HNMT: variants seen among roughly 807,000 people sequenced by gnomAD.
The protein encoded by HNMT is histamine N-methyltransferase.
In HNMT, 30 loss-of-function variants were observed where a neutral mutation model predicts 32.1. The ratio of observed to expected loss-of-function variants is 0.93; its 90% CI spans 0.70 to 1.27. HNMT has a LOEUF of 1.27. HNMT is among the 50% of genes most tolerant of loss of function. The pLI is 0.00. For synonymous variants in HNMT, 125 were observed against 119.0 expected, an observed-to-expected ratio of 1.05 and a Z score of -0.33; for missense variants, 327 against 346.0, an observed-to-expected ratio of 0.95 and a Z score of 0.43.
rs971121911 is a variant in HNMT, at chr2:138,002,716, G to A, written c.429+522G>A. The A allele has an allele frequency of 1.3e-5, 10 of 741,760 alleles. No homozygotes were observed. The African/African-American group carries it at 1.7e-4, about 13-fold the overall frequency. The allele number at this position is 741,760 out of a possible 1,614,324, so 45.9% of individuals were successfully genotyped here. The stretch of plus-strand genomic sequence containing the variant: ...CCCTCTTCAACCTCCAAAAGTGTTG[G>A]AATTACAGGTGTGAGCCACTGCACC... On this transcript the variant is annotated intron_variant, in intron 4 of 5. Transcript: ENST00000280097.
At chr2:137,993,448 A>G (rs3100722) in intron 2 of HNMT, among the ~76,000 whole-genome samples, 64,090 of 151,784 alleles carry the variant, frequency 0.42, 13,804 homozygotes, top group South Asian at 0.47. Context: ...TGGAAGAAAG[A>G]ATATCAGAGT....
intron 5 of HNMT, 77 bp downstream of exon 5, chr2:138,005,302 GC>G: frequency 2.5e-6 from 2 of 809,466 alleles, no homozygotes; most frequent in Non-Finnish European, 4.1e-6. Context: ...TTTGAAAGAA[GC>G]TTATATATTT....
intron 4 of HNMT, among the ~76,000 whole-genome samples, chr2:138,004,264 G>A (rs980154813): frequency 6.6e-6 from 1 of 152,132 alleles, no homozygotes. Flanking sequence ...TGGCCCCTAA[G>A]GCACCATGAG....
At chr2:137,967,098 T>C (rs1232583880) in intron 1 of HNMT, 1 of 780,626 alleles carries the variant, frequency 1.3e-6, no homozygotes, top group African/African-American at 1.7e-5. Flanking sequence ...GTCTTTTAGA[T>C]ACCAGAATTG....
At chr2:137,969,273 A>G (rs547482072) in intron 1 of HNMT, among the ~76,000 whole-genome samples, 1 of 152,256 alleles carries the variant, frequency 6.6e-6, no homozygotes, top group South Asian at 2.1e-4. Context: ...CTACTACTAT[A>G]ACTCTGCAAT....
chr2:138,004,841 T>A (rs1432702253), intron 4 of HNMT, among the ~76,000 whole-genome samples: 1 of 152,080 alleles, frequency 6.6e-6, no homozygotes, highest in Non-Finnish European at 1.5e-5. Flanking sequence ...TGTGGAATGG[T>A]GACTAAGTGT....
At chr2:137,966,173 T>C (rs1679951800) in intron 1 of HNMT, among the ~76,000 whole-genome samples, 1 of 152,220 alleles carries the variant, frequency 6.6e-6, no homozygotes, top group African/African-American at 2.4e-5. Context: ...GTTGAGTTTG[T>C]GGCTCACTGT....
In HNMT at chr2:138,001,013, G is replaced by A. The variant is rs1173001049; in HGVS notation, c.286G>A (p.Ala96Thr). ...TGTTGAGCCAAGTGCTGAACAAATT[G>A]CCAAATACAAAGGTACCTGTAACTC... ...EVVEPSAEQI[A>T]KYKELVAKTS... Residue 96 changes from alanine to threonine, a missense_variant, in exon 3 of 6, where the codon GCC becomes ACC. Transcript: ENST00000280097. 2 of 1,598,056 alleles carry A rather than the reference G, an allele frequency of 1.3e-6. No individual in the cohort carries two copies. Among genetic ancestry groups the A allele is most frequent in the Admixed American group, 1.7e-5 (1 of 58,864 alleles).
chr2:138,001,435 T>G (rs1681169334), intron 3 of HNMT, among the ~76,000 whole-genome samples: 1 of 152,176 alleles, frequency 6.6e-6, no homozygotes, highest in African/African-American at 2.4e-5. Flanking sequence ...CTGCCATAAC[T>G]AATCAACCTG....
chr2:137,984,364 T>C (rs146010271), intron 2 of HNMT, among the ~76,000 whole-genome samples: 1 of 152,366 alleles, frequency 6.6e-6, no homozygotes, highest in East Asian at 1.9e-4. Flanking sequence ...TGAATATCCC[T>C]GACATCACTT....
At position 137,964,770 on chromosome 2, in the gene HNMT, C is replaced by T. The variant is rs373476858; in HGVS notation, c.137+142C>T. On this transcript the variant is annotated intron_variant, in intron 1 of 5. Transcript: ENST00000280097. ...TAGCAGCTCCCCGTCGTCCCCTCCT[C>T]GCTGCCCTGCCCTGCCTTTCTCCTG... 5.5e-4 allele frequency: 422 copies of T among 763,798 alleles called. 1 individual carries two copies. In the African/African-American group the frequency reaches 6.9e-3, roughly 12 times the overall value. 47.3% of individuals were successfully genotyped at this position (763,798 alleles called of 1,614,324 possible).
At chr2:137,981,087 T>A (rs767411699) in intron 2 of HNMT, 99 of 1,132,306 alleles carry the variant, frequency 8.7e-5, no homozygotes, top group Non-Finnish European at 1.1e-4. Context: ...TAATGCAACA[T>A]GTAATAGAAT....
At chr2:138,011,645 A>C (rs925746566) in intron 5 of HNMT, among the ~76,000 whole-genome samples, 1 of 152,098 alleles carries the variant, frequency 6.6e-6, no homozygotes, top group East Asian at 1.9e-4. Context: ...ATTTTTCTGG[A>C]GAGTCAGTTA....
At chr2:137,984,405 G>C (rs901147135) in intron 2 of HNMT, among the ~76,000 whole-genome samples, 5 of 152,078 alleles carry the variant, frequency 3.3e-5, no homozygotes, top group African/African-American at 1.2e-4. Flanking sequence ...TGTTTTGCAA[G>C]TCCAACAAGC....
chr2:137,964,670 CTG>C (rs1679899219), intron 1 of HNMT, 42 bp downstream of exon 1: 8 of 1,607,048 alleles, frequency 5.0e-6, no homozygotes, highest in Non-Finnish European at 6.0e-6. Context: ...AAGCCTCAGA[CTG>C]GCTGTGCGTC....
chr2:137,983,378 T>C (rs148825929), intron 2 of HNMT, among the ~76,000 whole-genome samples: 16 of 152,324 alleles, frequency 1.1e-4, no homozygotes, highest in East Asian at 9.6e-4. Flanking sequence ...GTGTTTTATG[T>C]TTCCGATTAC....
chr2:137,973,797 T>C (rs1680204886), intron 2 of HNMT, among the ~76,000 whole-genome samples: 1 of 152,092 alleles, frequency 6.6e-6, no homozygotes, highest in African/African-American at 2.4e-5. Flanking sequence ...GGTGGTCTAT[T>C]TGATTTTTTT....
chr2:138,011,036 A>AT (rs1558749506), intron 5 of HNMT, among the ~76,000 whole-genome samples: 2 of 151,996 alleles, frequency 1.3e-5, no homozygotes, highest in African/African-American at 4.8e-5. Context: ...TCTGGCTTAC[A>AT]TCATGTTGAA....
chr2:137,969,268 A>G (rs944459021), intron 1 of HNMT, among the ~76,000 whole-genome samples: 5 of 152,120 alleles, frequency 3.3e-5, no homozygotes, highest in African/African-American at 1.2e-4. Context: ...ATCCACTACT[A>G]CTATAACTCT....
Sources: gnomAD v4.1 joint callset for allele counts (sites outside exome capture counted in the v4.1 genomes callset) on GRCh38, gnomAD v4.1.1 for gene constraint, MANE v1.5 for transcripts, NCBI Gene and HGNC (gene_info 2026-07-23, HGNC 2026-07-21) for gene names.